INTS7: variants seen among roughly 807,000 people sequenced by gnomAD.
The protein encoded by INTS7 is chromosome 1 open reading frame 73.
Under a neutral mutation model 109.2 loss-of-function variants are expected in INTS7, and 46 were observed. The ratio of observed to expected loss-of-function variants is 0.42; its 90% CI spans 0.33 to 0.54. INTS7 has a LOEUF of 0.54. INTS7 is among the 20% of genes least tolerant of loss of function. INTS7 has a pLI of 0.07. For missense variants in INTS7, 929 were observed against 1,132.4 expected (o/e 0.82, Z 2.58); for synonymous variants, 412 against 402.9 (o/e 1.02, Z -0.27).
intron 2 of INTS7, chr1:212,020,733 CT>C (rs752940729): frequency 5.0e-4 from 511 of 1,016,780 alleles, no homozygotes; most frequent in Non-Finnish European, 5.9e-4. Flanking sequence ...GTTTCAGGTA[CT>C]TCACAGACAT....
chr1:211,976,530 A>G, intron 12 of INTS7, 52 bp downstream of exon 12: 1 of 1,504,760 alleles, frequency 6.6e-7, no homozygotes, highest in East Asian at 2.3e-5. Flanking sequence ...AATTGAAGAT[A>G]CATGATCTGA....
chr1:212,030,238 T>C (rs1374404737), intron 1 of INTS7, among the ~76,000 whole-genome samples: 4 of 152,150 alleles, frequency 2.6e-5, no homozygotes, highest in African/African-American at 9.6e-5. Flanking sequence ...CTGGTTTTTA[T>C]GTTGCATTAA....
intron 7 of INTS7, among the ~76,000 whole-genome samples, chr1:211,995,940 T>C (rs997174440): frequency 6.6e-6 from 1 of 152,230 alleles, no homozygotes; most frequent in Non-Finnish European, 1.5e-5. Flanking sequence ...TAAATTTGTG[T>C]TATTTGTAAG....
chr1:211,969,927 C>T (rs1404438508), intron 13 of INTS7, among the ~76,000 whole-genome samples: 4 of 151,930 alleles, frequency 2.6e-5, no homozygotes, highest in Non-Finnish European at 5.9e-5. Context: ...ACCGTGTTAA[C>T]CAGGATGGTC....
intron 6 of INTS7, 64 bp from the exon 7 acceptor site, chr1:212,006,825 T>C (rs772805770): frequency 3.3e-5 from 45 of 1,347,424 alleles, no homozygotes; most frequent in Non-Finnish European, 4.4e-5. Context: ...AGAAATGCAG[T>C]GTAGTTTAGT....
At chr1:211,955,076 T>C (rs1045361327) in intron 16 of INTS7, among the ~76,000 whole-genome samples, 8 of 152,186 alleles carry the variant, frequency 5.3e-5, no homozygotes, top group Non-Finnish European at 1.0e-4. Flanking sequence ...CATTGAGCAA[T>C]GGTTTGTAGT....
In INTS7 at chr1:211,941,524, A is replaced by AT; in HGVS notation, c.*299dup. Reference sequence around the variant, plus strand: ...AGGCGCCTGCCACCATGCTTGGCTAATTTTTTTGTATTTTTTAGTGGAGAC... The same window carrying AT: ...AGGCGCCTGCCACCATGCTTGGCTAATTTTTTTTGTATTTTTTAGTGGAGAC... On this transcript the variant is annotated 3_prime_UTR_variant, in exon 20 of 20. Coordinates refer to ENST00000366994, the MANE Select transcript of INTS7 (RefSeq NM_015434.4). The AT allele has an allele frequency of 3.6e-6, 1 of 278,358 alleles. No homozygotes were observed. The allele number at this position is 278,358 out of a possible 1,614,324, so 17.2% of individuals were successfully genotyped here.
At chr1:212,008,704 A>G (rs956669176) in intron 5 of INTS7, among the ~76,000 whole-genome samples, 1 of 152,118 alleles carries the variant, frequency 6.6e-6, no homozygotes, top group Non-Finnish European at 1.5e-5. Context: ...TAACCTTGAA[A>G]CTGCCCCTCC....
At chr1:211,956,120 T>C (rs1663349651) in intron 16 of INTS7, among the ~76,000 whole-genome samples, 2 of 152,212 alleles carry the variant, frequency 1.3e-5, no homozygotes, top group Non-Finnish European at 1.5e-5. Flanking sequence ...ATTTTTTCCC[T>C]TTTATATATG....
intron 4 of INTS7, among the ~76,000 whole-genome samples, chr1:212,016,049 T>G (rs1462949410): frequency 6.6e-6 from 1 of 152,174 alleles, no homozygotes; most frequent in Non-Finnish European, 1.5e-5. Flanking sequence ...TCTAAAAACA[T>G]TGGTTTTAAG....
At chr1:211,992,480 G>A (rs1197264207) in intron 7 of INTS7, among the ~76,000 whole-genome samples, 4 of 151,922 alleles carry the variant, frequency 2.6e-5, no homozygotes, top group East Asian at 1.9e-4. Context: ...ATAAATATTC[G>A]TTTAAGCCTG....
chr1:212,028,060 C>T (rs1211067480), intron 1 of INTS7, among the ~76,000 whole-genome samples: 2 of 152,218 alleles, frequency 1.3e-5, no homozygotes, highest in African/African-American at 2.4e-5. Context: ...CTCCCAACCT[C>T]AGGTGATCCT....
rs1662660775 is a variant in INTS7, at chr1:211,942,199, T to G, written c.2602-88A>C. 1 of 1,400,156 alleles carries G rather than the reference T, an allele frequency of 7.1e-7. No individual in the cohort carries two copies. The highest frequency in any genetic ancestry group is 9.8e-7 in the Non-Finnish European group (1 of 1,018,466). 86.7% of individuals were successfully genotyped at this position (1,400,156 alleles called of 1,614,324 possible). ...TTAGGCCCTGTTCTAAGAGCTTATT[T>G]AGACCATGCAGACAATAAAAAATTA... On this transcript the variant is annotated intron_variant, in intron 19 of 19. Coordinates refer to ENST00000366994, the MANE Select transcript of INTS7 (RefSeq NM_015434.4). This position sits in a 1 kb window ranked among gnomAD's most constrained non-coding sequence, Gnocchi z 4.2.
intron 16 of INTS7, among the ~76,000 whole-genome samples, chr1:211,965,744 T>A (rs1663845879): frequency 6.6e-6 from 1 of 152,016 alleles, no homozygotes; most frequent in Non-Finnish European, 1.5e-5. Context: ...AGATAAATGA[T>A]AACATATGGA....
intron 15 of INTS7, among the ~76,000 whole-genome samples, chr1:211,967,663 TAA>T (rs1663959768): frequency 6.6e-6 from 1 of 152,044 alleles, no homozygotes; most frequent in Non-Finnish European, 1.5e-5. Context: ...TTTCTGGATA[TAA>T]AAAAGACACC....
chr1:212,012,176 C>T (rs1028213322), intron 4 of INTS7, among the ~76,000 whole-genome samples: 9 of 152,060 alleles, frequency 5.9e-5, no homozygotes, highest in South Asian at 2.1e-4. Flanking sequence ...GTTCACCTGG[C>T]CCCTGAAAGC....
intron 7 of INTS7, among the ~76,000 whole-genome samples, chr1:211,995,958 G>T (rs377756580): frequency 7.2e-5 from 11 of 152,284 alleles, no homozygotes; most frequent in African/African-American, 2.4e-4. Context: ...AAGCAACACA[G>T]GTTATGGTAT....
At position 212,007,408 on chromosome 1, in the gene INTS7, T is replaced by G. The variant is rs150958119; in HGVS notation, c.598A>C (p.Ile200Leu). 13 of 1,613,878 alleles carry G rather than the reference T, an allele frequency of 8.1e-6. No individual in the cohort carries two copies. The highest frequency in any genetic ancestry group is 1.1e-5 in the Non-Finnish European group (13 of 1,179,938). The change falls in exon 6 of 20, where the codon ATT becomes CTT. Residue 200 changes from isoleucine to leucine, a missense_variant. This residue lies in a region of INTS7 where 787 missense variants were observed against 901.1 expected (regional missense o/e 0.87). Coordinates refer to ENST00000366994, the MANE Select transcript of INTS7 (RefSeq NM_015434.4). ...GCATCATGGTGCATGTGCTGTAGAA[T>G]GGGTATCAATTTTAGCTTCAAGTCT... is the stretch of plus-strand genomic sequence containing the variant. ...PVDLKLKLIP[I>L]LQHMHHDAIL...
chr1:212,001,098 GCT>G (rs542737301), intron 7 of INTS7, among the ~76,000 whole-genome samples: 5 of 96,350 alleles, frequency 5.2e-5, no homozygotes, highest in South Asian at 3.2e-4. Flanking sequence ...ACAGAGTTTT[GCT>G]CTTTTTGCCA....
Sources: allele counts gnomAD v4.1 joint callset (sites outside exome capture counted in the v4.1 genomes callset), GRCh38; gene constraint gnomAD v4.1.1; regional missense constraint gnomAD v4.1.1; non-coding constraint Gnocchi (gnomAD v3.1); transcripts MANE v1.5; gene names NCBI Gene and HGNC (gene_info 2026-07-23, HGNC 2026-07-21).